The following ZNRF1 variants were observed in gnomAD, a reference collection of about 807,000 sequenced individuals.
ZNRF1 encodes E3 ubiquitin-protein ligase ZNRF1.
Under a neutral mutation model 18.4 loss-of-function variants are expected in ZNRF1, and 3 were observed. The observed-to-expected ratio is 0.16, with a 90% CI of 0.07 to 0.42. The LOEUF (loss-of-function observed/expected upper bound fraction) is 0.42. Among genes scored for constraint, ZNRF1 ranks in the 10% least tolerant of loss-of-function variants. The probability of loss-of-function intolerance (pLI) is 0.99; values close to 1 mark genes in which losing one functional copy is unlikely to be tolerated. For synonymous variants in ZNRF1, 157 were observed against 144.2 expected (o/e 1.09, Z -0.64); for missense variants, 310 against 329.8 (o/e 0.94, Z 0.47).
chr16:75,005,190 T>C (rs1026297731), intron 1 of ZNRF1, among the ~76,000 whole-genome samples: 1 of 152,196 alleles, frequency 6.6e-6, no homozygotes, highest in Admixed American at 6.5e-5. Flanking sequence ...AGTTCTATTG[T>C]TAATGAAAAC....
intron 1 of ZNRF1, among the ~76,000 whole-genome samples, chr16:75,052,590 T>G (rs1328949819): frequency 6.6e-6 from 1 of 152,148 alleles, no homozygotes; most frequent in African/African-American, 2.4e-5. Flanking sequence ...CAGGCTTGTT[T>G]AAGGTGAGAC....
In ZNRF1 at chr16:75,084,635, A is replaced by G. The variant is rs139379149; in HGVS notation, c.425-8937A>G. On this transcript the variant is annotated intron_variant, in intron 1 of 4. Transcript: ENST00000335325. ...TCCATTCAGCTGTCAGAATGAAAGA[A>G]AGGTATTTGAGCATATACAAGGATT... 3.3e-5 allele frequency: 5 copies of G among 152,326 alleles called. 1 individual carries two copies. The East Asian group carries it at 7.7e-4, about 23-fold the overall frequency. 9.4% of individuals were successfully genotyped at this position (152,326 alleles called of 1,614,324 possible).
intron 1 of ZNRF1, among the ~76,000 whole-genome samples, chr16:75,039,249 T>G (rs1197652075): frequency 6.6e-6 from 1 of 152,212 alleles, no homozygotes; most frequent in African/African-American, 2.4e-5. Context: ...ACTTTCTGTT[T>G]TATTTATTAT....
chr16:75,087,331 A>G (rs1267965482), intron 1 of ZNRF1, among the ~76,000 whole-genome samples: 1 of 152,212 alleles, frequency 6.6e-6, no homozygotes, highest in Non-Finnish European at 1.5e-5. Flanking sequence ...CCTGACAGTA[A>G]GAGGTCACAG....
chr16:75,076,593 C>T (rs970359335), intron 1 of ZNRF1, among the ~76,000 whole-genome samples: 1 of 148,970 alleles, frequency 6.7e-6, no homozygotes, highest in Non-Finnish European at 1.5e-5. Context: ...TTAAGTGTGG[C>T]ACATTCAGTC....
chr16:75,005,071 T>C (rs1567462761), intron 1 of ZNRF1, among the ~76,000 whole-genome samples: 1 of 152,188 alleles, frequency 6.6e-6, no homozygotes. Context: ...AGAAAGCCTT[T>C]GTGTCCCGCC....
At chr16:75,040,221 T>C (rs1406290521) in intron 1 of ZNRF1, among the ~76,000 whole-genome samples, 1 of 151,848 alleles carries the variant, frequency 6.6e-6, no homozygotes, top group Non-Finnish European at 1.5e-5. Context: ...AAAATCCAAT[T>C]TTATAACACT....
chr16:75,007,261 C>T (rs752320079), intron 1 of ZNRF1, among the ~76,000 whole-genome samples: 4 of 151,806 alleles, frequency 2.6e-5, no homozygotes, highest in Non-Finnish European at 5.9e-5. Context: ...CCATTTGTTG[C>T]CCAGGCTGGT....
intron 1 of ZNRF1, among the ~76,000 whole-genome samples, chr16:75,087,425 C>T (rs1028581240): frequency 2.0e-5 from 3 of 152,234 alleles, no homozygotes. Context: ...CCACTTAAGG[C>T]ACTTGTTGAA....
intron 1 of ZNRF1, among the ~76,000 whole-genome samples, chr16:75,073,117 C>CAT (rs2035890688): frequency 2.8e-5 from 1 of 36,214 alleles, no homozygotes; most frequent in Non-Finnish European, 6.4e-5. Flanking sequence ...AGTGAGACCC[C>CAT]ATCTCTCTCT....
intron 1 of ZNRF1, among the ~76,000 whole-genome samples, chr16:75,012,917 G>T (rs940597793): frequency 1.3e-5 from 2 of 152,172 alleles, no homozygotes; most frequent in Admixed American, 1.3e-4. Context: ...GCTCAATAAA[G>T]GGGAAACAGG....
At chr16:75,044,543 T>A (rs949078312) in intron 1 of ZNRF1, among the ~76,000 whole-genome samples, 5 of 151,702 alleles carry the variant, frequency 3.3e-5, no homozygotes, top group South Asian at 2.1e-4. Context: ...TTTTTTTTTT[T>A]AAATAGAGAT....
At chr16:75,047,922 G>T (rs561847981) in intron 1 of ZNRF1, among the ~76,000 whole-genome samples, 1 of 151,734 alleles carries the variant, frequency 6.6e-6, no homozygotes, top group African/African-American at 2.4e-5. Flanking sequence ...TCCTGACATG[G>T]TCTTCCCTTT....
At chr16:75,013,349 ATTTT>A (rs375093001) in intron 1 of ZNRF1, among the ~76,000 whole-genome samples, 1 of 144,100 alleles carries the variant, frequency 6.9e-6, no homozygotes, top group African/African-American at 2.5e-5. Flanking sequence ...TGTCCATTCA[ATTTT>A]TTTTTTTTTT....
intron 2 of ZNRF1, among the ~76,000 whole-genome samples, chr16:75,098,305 G>A (rs2036222071): frequency 6.6e-6 from 1 of 152,206 alleles, no homozygotes; most frequent in Admixed American, 6.5e-5. Context: ...CAGGAAAGAG[G>A]ACTGTGGGAG....
rs1253499255 is a variant in ZNRF1 at position 74,999,894 on chromosome 16, G to T, written c.223G>T (p.Ala75Ser). Residue 75 changes from alanine to serine, a missense_variant, in exon 1 of 5, where the codon GCC becomes TCC. Physicochemically the swap from Ala to Ser is moderately conservative, Grantham distance 99. This residue lies in a region of ZNRF1 where 293 missense variants were observed against 291.2 expected (regional missense o/e 1.01). Coordinates refer to ENST00000335325, the MANE Select transcript of ZNRF1 (RefSeq NM_032268.5). ...GGVPFGLYTP[A>S]SRGTGDSERA... is the part of the protein sequence containing the mutation. ...GGTGCCCTTTGGCCTCTACACCCCC[G>T]CCTCCCGGGGCACCGGCGACTCCGA... 1 of 1,541,782 alleles carries T rather than the reference G, an allele frequency of 6.5e-7. No individual in the cohort carries two copies. Among genetic ancestry groups the T allele is most frequent in the Non-Finnish European group, 8.7e-7 (1 of 1,146,666 alleles).
At chr16:75,036,523 A>G (rs1353912935) in intron 1 of ZNRF1, among the ~76,000 whole-genome samples, 4 of 151,428 alleles carry the variant, frequency 2.6e-5, no homozygotes, top group African/African-American at 7.3e-5. Context: ...AATTTAAATT[A>G]ATTATCTTGC....
intron 1 of ZNRF1, among the ~76,000 whole-genome samples, chr16:75,042,926 G>T (rs1486030150): frequency 1.3e-5 from 2 of 152,220 alleles, no homozygotes; most frequent in Non-Finnish European, 2.9e-5. Flanking sequence ...GGTTTGGCAT[G>T]TTGGGTTTAA....
At chr16:75,056,736 C>G (rs1046744973) in intron 1 of ZNRF1, among the ~76,000 whole-genome samples, 2 of 152,040 alleles carry the variant, frequency 1.3e-5, no homozygotes, top group African/African-American at 2.4e-5. Flanking sequence ...AAGTGATTCT[C>G]TTGCCTCAGC....
Sources: allele counts gnomAD v4.1 joint callset (sites outside exome capture counted in the v4.1 genomes callset), GRCh38; gene constraint gnomAD v4.1.1; regional missense constraint gnomAD v4.1.1; transcripts MANE v1.5; gene names NCBI Gene and HGNC (gene_info 2026-07-23, HGNC 2026-07-21).